The following FYCO1 variants were observed in gnomAD, a reference collection of about 807,000 sequenced individuals.
The protein encoded by FYCO1 is FYVE and coiled-coil domain autophagy adaptor 1.
A neutral mutation model predicts 165.1 loss-of-function variants in FYCO1; 122 were observed. That is an observed-to-expected ratio of 0.74 (90% CI 0.64 to 0.86). The LOEUF (loss-of-function observed/expected upper bound fraction) is 0.86. Among genes scored for constraint, FYCO1 ranks in the 40% least tolerant of loss-of-function variants. The probability of loss-of-function intolerance (pLI) is 0.00; values close to 1 mark genes in which losing one functional copy is unlikely to be tolerated. For synonymous variants in FYCO1, 648 were observed against 742.5 expected (o/e 0.87, Z 2.07); for missense variants, 1,702 against 1,810.3 (o/e 0.94, Z 1.09).
chr3:45,934,282 T>C (rs1274898116), intron 15 of FYCO1, among the ~76,000 whole-genome samples: 1 of 152,128 alleles, frequency 6.6e-6, no homozygotes, highest in Non-Finnish European at 1.5e-5. Context: ...AGCCTAGAGA[T>C]TTAAGAGCTG....
Position 45,964,219 on chromosome 3 carries a change from C to T in FYCO1, c.3269+117G>A. 2 of 886,480 alleles carry T rather than the reference C, an allele frequency of 2.3e-6. No individual in the cohort carries two copies. The highest frequency in any genetic ancestry group is 3.8e-6 in the Non-Finnish European group (2 of 526,392). The allele number at this position is 886,480 out of a possible 1,614,324, so 54.9% of individuals were successfully genotyped here. The stretch of plus-strand genomic sequence containing the variant: ...GCAGAAGCACTTTCTGAGTTTGTGG[C>T]TTTTCTTGCAAAAGGACTTCCTAAA... On this transcript the variant is annotated intron_variant, in intron 10 of 17. Transcript: ENST00000296137. The surrounding 1 kb of genome is among the most constrained non-coding windows in gnomAD (Gnocchi z 4.1).
chr3:45,929,816 C>T (rs925555535), intron 16 of FYCO1, among the ~76,000 whole-genome samples: 10 of 152,254 alleles, frequency 6.6e-5, no homozygotes, highest in African/African-American at 1.4e-4. Flanking sequence ...ATGACAAAAG[C>T]GATCCCTGCA....
intron 13 of FYCO1, among the ~76,000 whole-genome samples, chr3:45,958,022 C>A (rs939178108): frequency 2.0e-5 from 3 of 152,234 alleles, no homozygotes; most frequent in Non-Finnish European, 2.9e-5. Context: ...GAAGAGCGAG[C>A]TTCAGGAAGA....
rs536590756 is a variant in FYCO1 at position 45,944,188 on chromosome 3, G to A, written c.3945-7645C>T. ...ATTGTAGGGGTGTTTGTGTGTGTGC[G>A]TGTGTGTCTGTGTGTGTGTGTGTGT... On this transcript the variant is annotated intron_variant, in intron 14 of 17. Coordinates refer to ENST00000296137, the MANE Select transcript of FYCO1 (RefSeq NM_024513.4). Among the ~76,000 whole-genome samples the A allele has an allele frequency of 1.2e-4, 17 of 141,858 alleles. No individual in the cohort carries two copies. In the East Asian group the frequency reaches 1.7e-3, roughly 15 times the overall value. 93.1% of individuals were successfully genotyped at this position (141,858 alleles called of 152,430 possible).
Position 45,966,754 on chromosome 3 carries a change from G to T in FYCO1, c.2580C>A (p.Ala860=). The change falls in exon 8 of 18, where the codon GCC becomes GCA. Residue 860 remains alanine, a synonymous_variant. Transcript: ENST00000296137. ...EREGALQEER[A]DEAQQREEEL... is the part of the protein sequence containing the mutation. ...CCTCCTCCCTCTGCTGGGCCTCATC[G>T]GCCCTCTCCTCCTGCAGTGCCCCTT... 6.2e-7 allele frequency: 1 copy of T among 1,610,690 alleles called. No homozygotes were observed.
intron 14 of FYCO1, chr3:45,945,894 A>C (rs1417092819): frequency 6.5e-6 from 1 of 152,714 alleles, no homozygotes. Flanking sequence ...CTACCTACCC[A>C]GGCAGAGCAG....
At chr3:45,955,012 C>T (rs560150737) in intron 14 of FYCO1, among the ~76,000 whole-genome samples, 1 of 152,274 alleles carries the variant, frequency 6.6e-6, no homozygotes, top group South Asian at 2.1e-4. Context: ...GAAAGACAGG[C>T]CTTAATAGTG....
intron 14 of FYCO1, among the ~76,000 whole-genome samples, chr3:45,941,568 C>G (rs142994526): frequency 1.8e-3 from 275 of 152,332 alleles, no homozygotes; most frequent in African/African-American, 6.3e-3. Flanking sequence ...TAGCCCCAAA[C>G]CTGCAAGTGG....
At chr3:45,994,822 G>C (rs1707721214) in intron 1 of FYCO1, among the ~76,000 whole-genome samples, 1 of 152,168 alleles carries the variant, frequency 6.6e-6, no homozygotes, top group Non-Finnish European at 1.5e-5. Context: ...GTCGGGAAAG[G>C]AAACTGCTGT....
chr3:45,942,516 C>T (rs1425842896), intron 14 of FYCO1, among the ~76,000 whole-genome samples: 3 of 152,140 alleles, frequency 2.0e-5, no homozygotes, highest in African/African-American at 4.8e-5. Flanking sequence ...GAGTGCAGAG[C>T]CAGAGAAGGC....
rs778628335 is a variant in FYCO1 at position 45,966,988 on chromosome 3, C to G, written c.2346G>C (p.Gln782His). ...GAGCCTGCAGCCGTTGGACCTCCCC[C>G]TGATGGACTTCCAGCTGCGCCTGAG... ...ALSQAQLEVH[Q>H]GEVQRLQAQV... Residue 782 changes from glutamine (Q) to histidine (H), a missense_variant, in exon 8 of 18, where the codon CAG becomes CAC. Coordinates refer to ENST00000296137, the MANE Select transcript of FYCO1 (RefSeq NM_024513.4). 43 of 1,613,066 alleles carry G rather than the reference C, an allele frequency of 2.7e-5. No individual in the cohort carries two copies. Among genetic ancestry groups the G allele is most frequent in the African/African-American group, 1.1e-4 (8 of 74,938 alleles).
At chr3:45,985,506 T>C (rs1559468650) in intron 1 of FYCO1, among the ~76,000 whole-genome samples, 2 of 152,256 alleles carry the variant, frequency 1.3e-5, no homozygotes, top group Admixed American at 6.5e-5. Context: ...GCAGTGCTAG[T>C]TGGGGGAGAG....
At chr3:45,963,053 T>C (rs1705792754) in intron 10 of FYCO1, among the ~76,000 whole-genome samples, 1 of 152,110 alleles carries the variant, frequency 6.6e-6, no homozygotes. Context: ...TTTCCAAGGA[T>C]GGTCCAGTGG....
At chr3:45,933,254 A>C (rs1453339284) in intron 15 of FYCO1, among the ~76,000 whole-genome samples, 1 of 152,246 alleles carries the variant, frequency 6.6e-6, no homozygotes, top group Admixed American at 6.5e-5. Flanking sequence ...AGGGGTACCA[A>C]CACATTTGCA....
intron 15 of FYCO1, among the ~76,000 whole-genome samples, chr3:45,935,752 C>T (rs184884032): frequency 6.6e-6 from 1 of 152,194 alleles, no homozygotes; most frequent in Non-Finnish European, 1.5e-5. Flanking sequence ...CATCTGTCAA[C>T]CCCTGCTGGA....
At chr3:45,946,285 C>A (rs1225443596) in intron 14 of FYCO1, 5 of 566,196 alleles carry the variant, frequency 8.8e-6, no homozygotes, top group East Asian at 5.9e-5. Flanking sequence ...CCTGTCTGAG[C>A]AATTTCCCCT....
intron 14 of FYCO1, chr3:45,946,647 T>C (rs778725956): frequency 1.2e-6 from 2 of 1,614,082 alleles, no homozygotes; most frequent in African/African-American, 2.7e-5. Flanking sequence ...GCTGGTCATA[T>C]CCATCTTCTA....
intron 2 of FYCO1, 171 bp downstream of exon 2, chr3:45,984,685 A>T (rs967178142): frequency 1.4e-6 from 1 of 739,656 alleles, no homozygotes; most frequent in South Asian, 1.5e-5. Context: ...TCCAAGCCTT[A>T]CACAAGGTGG....
At position 45,921,365 on chromosome 3, in the gene FYCO1, C is replaced by T. The variant is rs1309321523; in HGVS notation, c.*400G>A. 1.2e-5 allele frequency: 4 copies of T among 324,884 alleles called. No individual in the cohort carries two copies. Among genetic ancestry groups the T allele is most frequent in the African/African-American group, 2.2e-5 (1 of 46,466 alleles). 20.1% of individuals were successfully genotyped at this position (324,884 alleles called of 1,614,324 possible). A position where few individuals can be genotyped will look rare whatever the true frequency, so the allele number is the denominator to read the frequency against. On this transcript the variant is annotated 3_prime_UTR_variant, in exon 18 of 18. Coordinates refer to ENST00000296137, the MANE Select transcript of FYCO1 (RefSeq NM_024513.4). ...CAGCTCAGTCTCCAACATGCAGGGC[C>T]CTGGTGGGGCAGGGCAGAAAATCTC...
Sources: gnomAD v4.1 joint callset for allele counts (sites outside exome capture counted in the v4.1 genomes callset) on GRCh38, gnomAD v4.1.1 for gene constraint, Gnocchi (gnomAD v3.1) non-coding constraint, MANE v1.5 for transcripts, NCBI Gene and HGNC (gene_info 2026-07-23, HGNC 2026-07-21) for gene names.